SHISAL1: variants seen among roughly 807,000 people sequenced by gnomAD.
SHISAL1 encodes the protein shisa like 1.
In SHISAL1, 9 loss-of-function variants were observed where a neutral mutation model predicts 22.6. The observed-to-expected ratio is 0.40, with a 90% CI of 0.24 to 0.70. The LOEUF is 0.70. SHISAL1 is among the 30% of genes least tolerant of loss of function. The pLI, the probability that SHISAL1 is intolerant of heterozygous loss-of-function variation, is 0.39. For synonymous variants in SHISAL1, 119 were observed against 115.4 expected, an observed-to-expected ratio of 1.03 and a Z score of -0.20; for missense variants, 246 against 270.6, an observed-to-expected ratio of 0.91 and a Z score of 0.64.
At chr22:44,308,915 GGGC>G (rs1381114980) in intron 1 of SHISAL1, among the ~76,000 whole-genome samples, 57 of 152,240 alleles carry the variant, frequency 3.7e-4, no homozygotes, top group Non-Finnish European at 7.1e-4. Flanking sequence ...CTGTCATGGG[GGGC>G]GGGAGGCTGA....
At chr22:44,292,659 A>G (rs905557898) in intron 3 of SHISAL1, among the ~76,000 whole-genome samples, 1 of 152,040 alleles carries the variant, frequency 6.6e-6, no homozygotes, top group Non-Finnish European at 1.5e-5. Flanking sequence ...CCATCCAATG[A>G]CCCAGGACTT....
At chr22:44,329,187 A>G in the SHISAL1 span, among the ~76,000 whole-genome samples, 1 of 152,310 alleles carries the variant, frequency 6.6e-6, no homozygotes, top group East Asian at 1.9e-4. Flanking sequence ...GGGTGAGCCG[A>G]GGCCCTTCAG....
At chr22:44,321,228 C>A in the SHISAL1 span, among the ~76,000 whole-genome samples, 3 of 152,212 alleles carry the variant, frequency 2.0e-5, no homozygotes, top group East Asian at 5.8e-4. Context: ...ACTAACCCAC[C>A]TGCGACGAGA....
At chr22:44,265,636 C>T (rs1462995804) in intron 4 of SHISAL1, among the ~76,000 whole-genome samples, 1 of 152,200 alleles carries the variant, frequency 6.6e-6, no homozygotes, top group Non-Finnish European at 1.5e-5. Flanking sequence ...AAGCTGCTGA[C>T]TTGTGGGGTA....
At chr22:44,307,541 T>G (rs1569226921) in intron 1 of SHISAL1, among the ~76,000 whole-genome samples, 1 of 152,132 alleles carries the variant, frequency 6.6e-6, no homozygotes, top group Admixed American at 6.5e-5. Flanking sequence ...ATTGGTAAAC[T>G]TCCTAAGATG....
rs1417233683 is a variant in SHISAL1 at position 44,243,705 on chromosome 22, G to A, written c.*5980C>T. The A allele has an allele frequency of 6.6e-6, 1 of 152,118 alleles. No individual in the cohort carries two copies. The highest frequency in any genetic ancestry group is 1.5e-5 in the Non-Finnish European group (1 of 68,030). The allele number at this position is 152,118 out of a possible 1,614,324, so 9.4% of individuals were successfully genotyped here. A position where few individuals can be genotyped will look rare whatever the true frequency, so the allele number is the denominator to read the frequency against. On this transcript the variant is annotated 3_prime_UTR_variant, in exon 5 of 5. Transcript: ENST00000381176. ...ATGACACTCCTTTATTAAAACCTAGGGACATTGTTATAAAAACTACTGTAT... is the reference window on the plus strand; with the variant it reads ...ATGACACTCCTTTATTAAAACCTAGAGACATTGTTATAAAAACTACTGTAT...
chr22:44,262,240 T>C (rs1390764838), intron 4 of SHISAL1, among the ~76,000 whole-genome samples: 1 of 152,170 alleles, frequency 6.6e-6, no homozygotes, highest in African/African-American at 2.4e-5. Context: ...CGGAACAGCC[T>C]CAGCCAAGGT....
the SHISAL1 span, among the ~76,000 whole-genome samples, chr22:44,329,185 C>T: frequency 2.6e-5 from 4 of 152,280 alleles, no homozygotes; most frequent in Non-Finnish European, 4.4e-5. Flanking sequence ...AAGGGTGAGC[C>T]GAGGCCCTTC....
At chr22:44,291,594 T>G (rs764094658) in intron 3 of SHISAL1, among the ~76,000 whole-genome samples, 1 of 152,102 alleles carries the variant, frequency 6.6e-6, no homozygotes, top group South Asian at 2.1e-4. Flanking sequence ...GTTTCACGCG[T>G]GGCCAAGGGA....
rs2055027091 is a variant in SHISAL1 at position 44,249,064 on chromosome 22, A to T, written c.*621T>A. On this transcript the variant is annotated 3_prime_UTR_variant, in exon 5 of 5. Transcript: ENST00000381176. ...ATCCCCAGTGCTCCCCGAGACACAG[A>T]GGGGCCGTACCCTGTGCTTAGCAAT... 6.6e-6 allele frequency: 1 copy of T among 151,946 alleles called. No homozygotes were observed. The allele number at this position is 151,946 out of a possible 1,614,324, so 9.4% of individuals were successfully genotyped here.
the SHISAL1 span, among the ~76,000 whole-genome samples, chr22:44,327,409 G>C: frequency 6.6e-6 from 1 of 152,156 alleles, no homozygotes. Flanking sequence ...GGGAAGTCAG[G>C]ATGAACATTT....
At chr22:44,254,088 A>T (rs867272529) in intron 4 of SHISAL1, among the ~76,000 whole-genome samples, 4 of 152,170 alleles carry the variant, frequency 2.6e-5, no homozygotes, top group African/African-American at 9.6e-5. Context: ...AAAAAATAAA[A>T]ACTGCAGAAT....
chr22:44,250,223 A>T (rs1167516052), intron 4 of SHISAL1, among the ~76,000 whole-genome samples: 1 of 152,240 alleles, frequency 6.6e-6, no homozygotes, highest in African/African-American at 2.4e-5. Context: ...CTGATAAATT[A>T]TATGGTCACC....
At chr22:44,303,247 T>C (rs968057638) in intron 1 of SHISAL1, among the ~76,000 whole-genome samples, 2 of 152,002 alleles carry the variant, frequency 1.3e-5, no homozygotes, top group Admixed American at 6.5e-5. Context: ...CACCCTGTTA[T>C]GGTATGTGAA....
intron 4 of SHISAL1, among the ~76,000 whole-genome samples, chr22:44,279,716 C>G (rs964727133): frequency 5.9e-5 from 9 of 152,224 alleles, no homozygotes; most frequent in Admixed American, 2.6e-4. Flanking sequence ...TGCTGGGCTC[C>G]TGTCTCTTCA....
chr22:44,277,935 C>T (rs1019699748), intron 4 of SHISAL1, among the ~76,000 whole-genome samples: 2 of 152,216 alleles, frequency 1.3e-5, no homozygotes, highest in African/African-American at 2.4e-5. Flanking sequence ...TGGAGGGACA[C>T]GGAGCCCTGC....
chr22:44,322,862 T>C, the SHISAL1 span, among the ~76,000 whole-genome samples: 1 of 152,228 alleles, frequency 6.6e-6, no homozygotes, highest in East Asian at 1.9e-4. Flanking sequence ...AACTTCAGCC[T>C]CTTCCTTGGC....
intron 3 of SHISAL1, among the ~76,000 whole-genome samples, chr22:44,287,192 C>G (rs973285664): frequency 6.6e-6 from 1 of 152,216 alleles, no homozygotes; most frequent in Non-Finnish European, 1.5e-5. Context: ...GAGCATGAGG[C>G]CTCTCCCAGT....
At chr22:44,282,874 G>A (rs1251912329) in intron 4 of SHISAL1, among the ~76,000 whole-genome samples, 1 of 152,214 alleles carries the variant, frequency 6.6e-6, no homozygotes, top group Non-Finnish European at 1.5e-5. Flanking sequence ...TGGGTGCCAA[G>A]TGGTGTTTCA....
Sources: gnomAD v4.1 joint callset for allele counts (sites outside exome capture counted in the v4.1 genomes callset) on GRCh38, gnomAD v4.1.1 for gene constraint, MANE v1.5 for transcripts, NCBI Gene and HGNC (gene_info 2026-07-23, HGNC 2026-07-21) for gene names.